CHST11: variants seen among roughly 807,000 people sequenced by gnomAD.
The protein encoded by CHST11 is carbohydrate sulfotransferase 11, also known as C4S-1.
CHST11 carries 9 observed loss-of-function variants against 30.4 expected under a neutral mutation model. The ratio of observed to expected loss-of-function variants is 0.30; its 90% CI spans 0.18 to 0.52. CHST11 has a LOEUF of 0.52. Among genes scored for constraint, CHST11 ranks in the 20% least tolerant of loss-of-function variants. The pLI is 0.97. For synonymous variants in CHST11, 152 were observed against 187.8 expected (o/e 0.81, Z 1.56); for missense variants, 348 against 460.6 (o/e 0.76, Z 2.24).
At chr12:104,685,784 C>G (rs1221829908) in intron 2 of CHST11, among the ~76,000 whole-genome samples, 1 of 152,220 alleles carries the variant, frequency 6.6e-6, no homozygotes, top group Admixed American at 6.5e-5. Context: ...ATAACAGCTC[C>G]TGGCACTGCT....
intron 2 of CHST11, among the ~76,000 whole-genome samples, chr12:104,624,878 G>A (rs1357117678): frequency 6.6e-6 from 1 of 152,196 alleles, no homozygotes; most frequent in Non-Finnish European, 1.5e-5. Flanking sequence ...CCACCTTTTT[G>A]GCTGTGTCCT....
chr12:104,707,055 T>G lies in CHST11; in HGVS notation c.205-49894T>G, dbSNP rs79951023. On this transcript the variant is annotated intron_variant, in intron 2 of 2. Transcript: ENST00000303694. ...CTCATCATCCGAGTCTCAGTGCAAC[T>G]GTCACCTCCTCAGAGAAGTCCTCCC... is the stretch of plus-strand genomic sequence containing the variant. 2.7e-3 allele frequency among the ~76,000 whole-genome samples: 407 copies of G among 152,316 alleles called. 1 individual carries two copies. Among genetic ancestry groups the G allele is most frequent in the African/African-American group, 9.5e-3 (397 of 41,574 alleles).
At chr12:104,459,322 C>T (rs891702587) in intron 1 of CHST11, among the ~76,000 whole-genome samples, 20 of 152,218 alleles carry the variant, frequency 1.3e-4, no homozygotes, top group Middle Eastern at 6.8e-3. Flanking sequence ...CACCCCAGAG[C>T]GCCAGGGGAC....
intron 1 of CHST11, among the ~76,000 whole-genome samples, chr12:104,503,234 G>A (rs1281625747): frequency 6.6e-6 from 1 of 152,190 alleles, no homozygotes; most frequent in African/African-American, 2.4e-5. Context: ...CCTCGGACAA[G>A]TCATTAACAG....
At chr12:104,492,087 A>G (rs1379962946) in intron 1 of CHST11, among the ~76,000 whole-genome samples, 1 of 151,984 alleles carries the variant, frequency 6.6e-6, no homozygotes, top group Non-Finnish European at 1.5e-5. Flanking sequence ...TCCTCTTACC[A>G]TGTCACTCTG....
intron 2 of CHST11, among the ~76,000 whole-genome samples, chr12:104,665,565 ATTAAC>A (rs1204374142): frequency 6.6e-6 from 1 of 152,108 alleles, no homozygotes; most frequent in Non-Finnish European, 1.5e-5. Flanking sequence ...GGTTCTGAGT[ATTAAC>A]TTAGTTCATC....
intron 2 of CHST11, among the ~76,000 whole-genome samples, chr12:104,660,662 C>T (rs1566027064): frequency 6.6e-6 from 1 of 152,160 alleles, no homozygotes; most frequent in East Asian, 1.9e-4. Context: ...GAAGTGTACT[C>T]CTTCTATCCC....
At chr12:104,637,822 C>G (rs2039339914) in intron 2 of CHST11, among the ~76,000 whole-genome samples, 1 of 152,222 alleles carries the variant, frequency 6.6e-6, no homozygotes, top group Admixed American at 6.5e-5. Context: ...CTCAGCAGGA[C>G]TCAGCAAAAT....
intron 1 of CHST11, among the ~76,000 whole-genome samples, chr12:104,482,352 CCG>C (rs1491348137): frequency 0.01 from 991 of 95,358 alleles, 14 homozygotes; most frequent in African/African-American, 0.036. Flanking sequence ...GAGCCCCCCC[CCG>C]CAAAAATGAA....
chr12:104,464,670 C>T (rs898808690), intron 1 of CHST11, among the ~76,000 whole-genome samples: 15 of 152,048 alleles, frequency 9.9e-5, no homozygotes, highest in Middle Eastern at 3.2e-3. Context: ...ACACCCAGTC[C>T]CATTTCCAAT....
At chr12:104,675,310 A>T (rs1217729003) in intron 2 of CHST11, among the ~76,000 whole-genome samples, 1 of 152,244 alleles carries the variant, frequency 6.6e-6, no homozygotes, top group Non-Finnish European at 1.5e-5. Context: ...TGTTATGCTC[A>T]CGTCTTGATG....
chr12:104,687,234 C>T (rs563336995), intron 2 of CHST11, among the ~76,000 whole-genome samples: 3 of 152,356 alleles, frequency 2.0e-5, no homozygotes, highest in East Asian at 3.9e-4. Context: ...TTTTTAGCAT[C>T]CAAGTGCTTT....
At chr12:104,500,482 C>T (rs1052334849) in intron 1 of CHST11, among the ~76,000 whole-genome samples, 15 of 152,198 alleles carry the variant, frequency 9.9e-5, no homozygotes, top group African/African-American at 3.6e-4. Context: ...GAACTTCTGA[C>T]TTCTTCTACC....
At chr12:104,752,653 G>A (rs1043139334) in intron 2 of CHST11, among the ~76,000 whole-genome samples, 6 of 152,166 alleles carry the variant, frequency 3.9e-5, no homozygotes, top group African/African-American at 9.6e-5. Flanking sequence ...TCAGCCTCCC[G>A]AGTAGCTGGG....
chr12:104,749,563 T>C (rs2040414104), intron 2 of CHST11, among the ~76,000 whole-genome samples: 2 of 152,180 alleles, frequency 1.3e-5, no homozygotes, highest in South Asian at 2.1e-4. Flanking sequence ...CTTTGTAAAA[T>C]TGATCAAACT....
At chr12:104,686,223 C>T (rs1052143176) in intron 2 of CHST11, among the ~76,000 whole-genome samples, 1 of 37,262 alleles carries the variant, frequency 2.7e-5, no homozygotes, top group African/African-American at 6.4e-5. Context: ...AAAGGGAGAA[C>T]TCACCTCTTA....
chr12:104,463,855 G>A (rs1198414391), intron 1 of CHST11, among the ~76,000 whole-genome samples: 1 of 152,114 alleles, frequency 6.6e-6, no homozygotes, highest in African/African-American at 2.4e-5. Flanking sequence ...TGGCAAGGTG[G>A]TCAGAGTGCC....
rs74731176 is a variant in CHST11, at chr12:104,564,641, C to T, written c.119-37265C>T. On this transcript the variant is annotated intron_variant, in intron 1 of 2. Transcript: ENST00000303694. ...TATTAAGCCTTGTTAAATCTTGCCT[C>T]TTTTTTCCCCAAGTCTGCCTAAGGA... Among the ~76,000 whole-genome samples the T allele has an allele frequency of 5.3e-3, 802 of 152,280 alleles. 2 individuals carry two copies. The highest frequency in any genetic ancestry group is 8.8e-3 in the Admixed American group (135 of 15,298).
intron 2 of CHST11, among the ~76,000 whole-genome samples, chr12:104,649,039 A>G (rs966638607): frequency 6.6e-5 from 10 of 152,110 alleles, no homozygotes; most frequent in African/African-American, 2.2e-4. Context: ...CTGTTGGCCA[A>G]ACTGAAACAG....
Sources: allele counts gnomAD v4.1 joint callset (sites outside exome capture counted in the v4.1 genomes callset), GRCh38; gene constraint gnomAD v4.1.1; transcripts MANE v1.5; gene names NCBI Gene and HGNC (gene_info 2026-07-23, HGNC 2026-07-21).